VPS35L: variants seen among roughly 807,000 people sequenced by gnomAD.
VPS35L encodes the protein VPS35 endosomal protein-sorting factor-like.
In VPS35L, 83 loss-of-function variants were observed where a neutral mutation model predicts 133.0. The ratio of observed to expected loss-of-function variants is 0.62; its 90% CI spans 0.52 to 0.75. VPS35L has a LOEUF of 0.75. Among genes scored for constraint, VPS35L ranks in the 30% least tolerant of loss-of-function variants. The pLI is 0.00. For missense variants in VPS35L, 1,083 were observed against 1,206.8 expected, an observed-to-expected ratio of 0.90 and a Z score of 1.52; for synonymous variants, 423 against 449.9, an observed-to-expected ratio of 0.94 and a Z score of 0.76.
At position 19,616,728 on chromosome 16, in the gene VPS35L, G is replaced by A. The variant is rs760229254; in HGVS notation, c.1144G>A (p.Val382Met). The part of the protein sequence containing the change: ...TVQNQLVVQG[V>M]ELPSYLPLYP... ...CCAGAACCAGCTGGTGGTCCAAGGA[G>A]TGGAGCTCCCATCTTACCTCCCCTT... The change falls in exon 14 of 31, where the codon GTG becomes ATG. Residue 382 changes from valine (V) to methionine (M), a missense_variant. By Grantham distance (21) the Val-to-Met change is conservative. Coordinates refer to ENST00000417362, the MANE Select transcript of VPS35L (RefSeq NM_020314.7). 1.7e-5 allele frequency: 28 copies of A among 1,614,008 alleles called. No individual in the cohort carries two copies. Among genetic ancestry groups the A allele is most frequent in the Non-Finnish European group, 2.2e-5 (26 of 1,180,028 alleles).
intron 26 of VPS35L, among the ~76,000 whole-genome samples, chr16:19,662,585 A>G (rs1333033362): frequency 6.6e-6 from 1 of 152,206 alleles, no homozygotes; most frequent in Non-Finnish European, 1.5e-5. Flanking sequence ...CCTCCTGAGT[A>G]GAGAGCAGTC....
intron 5 of VPS35L, 52 bp from the exon 6 acceptor site, chr16:19,579,000 G>T: frequency 1.4e-6 from 2 of 1,449,336 alleles, no homozygotes; most frequent in Non-Finnish European, 1.9e-6. Flanking sequence ...TCCACTGGGG[G>T]TATTGGTGCA....
At chr16:19,679,308 T>G (rs1277581462) in intron 27 of VPS35L, among the ~76,000 whole-genome samples, 5 of 151,916 alleles carry the variant, frequency 3.3e-5, no homozygotes, top group Non-Finnish European at 5.9e-5. Context: ...ATTCTTTTTT[T>G]CTTTTTGTAA....
At chr16:19,591,128 G>T (rs890865514) in intron 7 of VPS35L, among the ~76,000 whole-genome samples, 25 of 152,114 alleles carry the variant, frequency 1.6e-4, no homozygotes, top group African/African-American at 5.8e-4. Flanking sequence ...TGTTCCTTTT[G>T]GGGGGAATTT....
intron 18 of VPS35L, among the ~76,000 whole-genome samples, chr16:19,630,337 T>G (rs1973409705): frequency 8.5e-6 from 1 of 117,832 alleles, no homozygotes; most frequent in Admixed American, 8.9e-5. Context: ...TTTTTTTTTT[T>G]TTTTTTTTTT....
chr16:19,652,176 A>G, intron 26 of VPS35L, 86 bp downstream of exon 26: 1 of 964,342 alleles, frequency 1.0e-6, no homozygotes, highest in Admixed American at 2.1e-5. Context: ...GTAGAGAGAG[A>G]CAAAGATTTC....
At chr16:19,616,040 T>C (rs1224824554) in intron 12 of VPS35L, 74 bp from the exon 13 acceptor site, 1 of 1,047,684 alleles carries the variant, frequency 9.5e-7, no homozygotes, top group African/African-American at 1.6e-5. Flanking sequence ...GGTATATATA[T>C]TTTTTAATTT....
chr16:19,674,946 C>A (rs1975011638), intron 27 of VPS35L, among the ~76,000 whole-genome samples: 1 of 143,162 alleles, frequency 7.0e-6, no homozygotes, highest in Non-Finnish European at 1.5e-5. Context: ...GTTTTCTTTT[C>A]TTTTCTTTCT....
Position 19,571,028 on chromosome 16 carries a change from C to A in VPS35L, c.285+1437C>A, listed in dbSNP as rs539095977. Among the ~76,000 whole-genome samples, 19 of 151,346 alleles carry A rather than the reference C, an allele frequency of 1.3e-4. No homozygotes were observed. In the East Asian group the frequency reaches 3.5e-3, roughly 28 times the overall value. ...GGCTGGGACTACAGGCACGTGCCACCATGCCCAGCTAATTTTTGTATTTTA... is the reference window on the plus strand; with the variant it reads ...GGCTGGGACTACAGGCACGTGCCACAATGCCCAGCTAATTTTTGTATTTTA... On this transcript the variant is annotated intron_variant, in intron 3 of 30. Coordinates refer to ENST00000417362, the MANE Select transcript of VPS35L (RefSeq NM_020314.7).
chr16:19,632,666 G>T (rs1319793042), intron 18 of VPS35L, among the ~76,000 whole-genome samples: 1 of 152,236 alleles, frequency 6.6e-6, no homozygotes, highest in Non-Finnish European at 1.5e-5. Context: ...GCTGCAGTTG[G>T]CTGACTCCTG....
At chr16:19,663,960 C>G (rs984205166) in intron 26 of VPS35L, among the ~76,000 whole-genome samples, 1 of 151,958 alleles carries the variant, frequency 6.6e-6, no homozygotes, top group African/African-American at 2.4e-5. Context: ...GCTTTGTGTT[C>G]TGAGTGTTTG....
Position 19,581,669 on chromosome 16 carries a change from C to CT in VPS35L, c.639+16_639+17insT, listed in dbSNP as rs1971713310. ...AGTCATCCAGGTTAGCTCTAGTGAT[C>CT]CCCCACCCCCACCCAGAATTTCCTA... On this transcript the variant is annotated intron_variant, in intron 7 of 30. Coordinates refer to ENST00000417362, the MANE Select transcript of VPS35L (RefSeq NM_020314.7). 6.5e-7 allele frequency: 1 copy of CT among 1,538,160 alleles called. No individual in the cohort carries two copies.
At chr16:19,563,203 C>T (rs1266646741) in intron 1 of VPS35L, among the ~76,000 whole-genome samples, 7 of 151,750 alleles carry the variant, frequency 4.6e-5, no homozygotes, top group Non-Finnish European at 1.0e-4. Context: ...GGAGTGGTGG[C>T]TCATGCCTGT....
In VPS35L at chr16:19,686,933, G is replaced by A. The variant is rs374769963; in HGVS notation, c.2528-4420G>A. The stretch of plus-strand genomic sequence containing the variant: ...CCCCCCTTCCTTGAGACTGGGAGGC[G>A]GAGGTTGCAGTGAGCCAAGATCGTG... On this transcript the variant is annotated intron_variant, in intron 28 of 30. Transcript: ENST00000417362. Among the ~76,000 whole-genome samples the A allele has an allele frequency of 7.2e-5, 11 of 152,212 alleles. 1 individual carries two copies. Among genetic ancestry groups the A allele is most frequent in the African/African-American group, 2.2e-4 (9 of 41,512 alleles).
At chr16:19,689,078 C>T (rs1286072579) in intron 28 of VPS35L, among the ~76,000 whole-genome samples, 3 of 147,598 alleles carry the variant, frequency 2.0e-5, no homozygotes, top group Non-Finnish European at 3.0e-5. Context: ...CCCACTCTGT[C>T]GCCAGGCTGG....
At position 19,700,374 on chromosome 16, in the gene VPS35L, A is replaced by G. The variant is rs745389380; in HGVS notation, c.2794-4A>G. 1.8e-5 allele frequency: 29 copies of G among 1,611,856 alleles called. No individual in the cohort carries two copies. The highest frequency in any genetic ancestry group is 2.1e-5 in the Non-Finnish European group (25 of 1,178,092). On this transcript the variant is annotated splice_polypyrimidine_tract_variant and splice_region_variant and intron_variant, in intron 30 of 30. Coordinates refer to ENST00000417362, the MANE Select transcript of VPS35L (RefSeq NM_020314.7). The stretch of plus-strand genomic sequence containing the variant: ...AGGAGATGGATCTTTCTTTTTCCTC[A>G]TAGGTGAAAACGCTAGAATACATCA...
At chr16:19,681,003 C>G (rs1253109043) in intron 27 of VPS35L, among the ~76,000 whole-genome samples, 2 of 150,126 alleles carry the variant, frequency 1.3e-5, no homozygotes, top group African/African-American at 4.9e-5. Context: ...CATTAAAGAG[C>G]TAATGTGTAA....
chr16:19,624,726 A>G (rs949088884), intron 14 of VPS35L, among the ~76,000 whole-genome samples: 5 of 152,170 alleles, frequency 3.3e-5, no homozygotes, highest in Non-Finnish European at 7.4e-5. Context: ...GATTACAGGC[A>G]TGAGCCACCA....
chr16:19,612,778 A>G (rs1291396768), intron 12 of VPS35L, among the ~76,000 whole-genome samples: 1 of 152,170 alleles, frequency 6.6e-6, no homozygotes, highest in Non-Finnish European at 1.5e-5. Context: ...GTTTGAGATC[A>G]GGTATGTGAG....
Sources: gnomAD v4.1 joint callset for allele counts (sites outside exome capture counted in the v4.1 genomes callset) on GRCh38, gnomAD v4.1.1 for gene constraint, MANE v1.5 for transcripts, NCBI Gene and HGNC (gene_info 2026-07-23, HGNC 2026-07-21) for gene names.